Variants in SLIT3 observed in about 807,000 individuals in gnomAD.
SLIT3 encodes slit homolog 3 protein.
A neutral mutation model predicts 184.0 loss-of-function variants in SLIT3; 68 were observed. The ratio of observed to expected loss-of-function variants is 0.37; its 90% confidence interval spans 0.30 to 0.45. SLIT3 has a LOEUF of 0.45. Ranked by LOEUF, SLIT3 falls within the 20% of genes least tolerant of loss-of-function variation. SLIT3 has a pLI of 1.00. For missense variants in SLIT3, 1,707 were observed against 2,026.0 expected (o/e 0.84, Z 3.02); for synonymous variants, 831 against 828.6 (o/e 1.00, Z -0.05).
rs57404848 is a variant in SLIT3, at chr5:169,284,998, C to G, written c.197+15515G>C. On this transcript the variant is annotated intron_variant, in intron 1 of 35. Transcript: ENST00000519560. ...CAATCATGGCTCACTGCAGATTGAC[C>G]TCCTGGGCTCAAGTTATCCTTCCCA... 5.7e-3 allele frequency among the ~76,000 whole-genome samples: 875 copies of G among 152,200 alleles called. 12 individuals are homozygous for G. Among genetic ancestry groups the G allele is most frequent in the African/African-American group, 0.02 (815 of 41,512 alleles).
chr5:168,887,523 G>A (rs1581179071), intron 4 of SLIT3, among the ~76,000 whole-genome samples: 1 of 152,144 alleles, frequency 6.6e-6, no homozygotes, highest in South Asian at 2.1e-4. Flanking sequence ...AACCTCATCA[G>A]TTAGTTGTGA....
At chr5:168,724,339 T>C in intron 21 of SLIT3, 77 bp downstream of exon 21, 1 of 1,205,490 alleles carries the variant, frequency 8.3e-7, no homozygotes, top group Non-Finnish European at 1.2e-6. Context: ...CTCTGTTCTC[T>C]CTTACCATCC....
At chr5:168,930,611 T>C (rs1761958361) in intron 4 of SLIT3, among the ~76,000 whole-genome samples, 1 of 151,922 alleles carries the variant, frequency 6.6e-6, no homozygotes, top group Non-Finnish European at 1.5e-5. Context: ...GTCTGGCACA[T>C]AATAGGTACT....
chr5:169,003,336 G>T (rs961780139), intron 4 of SLIT3, among the ~76,000 whole-genome samples: 1 of 152,176 alleles, frequency 6.6e-6, no homozygotes, highest in Non-Finnish European at 1.5e-5. Flanking sequence ...TCTTCCCAAA[G>T]CTCATGTGGC....
chr5:169,251,771 C>A lies in SLIT3; in HGVS notation c.198-312G>T, dbSNP rs56826600. Among the ~76,000 whole-genome samples, 1,006 of 152,292 alleles carry A rather than the reference C, an allele frequency of 6.6e-3. 7 individuals carry two copies. The highest frequency in any genetic ancestry group is 0.02 in the African/African-American group (839 of 41,556). ...TCATGTCATACAAATGGGGCTGACC[C>A]CTCTTTCCAGCTCTAGGCACTGGCA... On this transcript the variant is annotated intron_variant, in intron 1 of 35. Coordinates refer to ENST00000519560, the MANE Select transcript of SLIT3 (RefSeq NM_003062.4).
intron 32 of SLIT3, among the ~76,000 whole-genome samples, chr5:168,678,544 G>A (rs191216837): frequency 1.8e-4 from 28 of 152,040 alleles, no homozygotes; most frequent in African/African-American, 6.0e-4. Flanking sequence ...TTAGCCGGGC[G>A]TGGTGGCGGG....
chr5:168,972,136 G>A (rs982682806), intron 4 of SLIT3, among the ~76,000 whole-genome samples: 1 of 152,160 alleles, frequency 6.6e-6, no homozygotes, highest in Admixed American at 6.5e-5. Context: ...GAGAAGACCT[G>A]GAGAGGCATC....
chr5:169,048,731 G>T (rs981839169), intron 4 of SLIT3, among the ~76,000 whole-genome samples: 1 of 152,148 alleles, frequency 6.6e-6, no homozygotes, highest in Non-Finnish European at 1.5e-5. Context: ...AATAACAGCC[G>T]TATTAAGTTG....
intron 4 of SLIT3, among the ~76,000 whole-genome samples, chr5:168,938,284 C>T (rs1440404264): frequency 6.6e-6 from 1 of 152,212 alleles, no homozygotes; most frequent in Admixed American, 6.5e-5. Flanking sequence ...AGGTGCTATT[C>T]TATGGATAGA....
chr5:169,094,308 A>G (rs1477415271), intron 4 of SLIT3, among the ~76,000 whole-genome samples: 1 of 152,254 alleles, frequency 6.6e-6, no homozygotes, highest in East Asian at 1.9e-4. Context: ...ACTTTGAGCC[A>G]GAATTCCAAC....
At chr5:169,073,275 AG>A (rs1343757651) in intron 4 of SLIT3, among the ~76,000 whole-genome samples, 2 of 152,172 alleles carry the variant, frequency 1.3e-5, no homozygotes, top group East Asian at 3.9e-4. Context: ...GACAATCCTT[AG>A]CCCCGCAGGA....
intron 3 of SLIT3, among the ~76,000 whole-genome samples, chr5:169,227,871 G>A (rs1002630736): frequency 6.6e-6 from 1 of 152,200 alleles, no homozygotes; most frequent in Non-Finnish European, 1.5e-5. Flanking sequence ...TCAGGCAGGG[G>A]GAGCCTGAGG....
intron 23 of SLIT3, chr5:168,720,994 C>A (rs1762925930): frequency 6.6e-6 from 1 of 152,190 alleles, no homozygotes; most frequent in South Asian, 2.1e-4. Flanking sequence ...TGGCCAGTTA[C>A]TTCACCAGTC....
In SLIT3 at chr5:169,251,435, G is replaced by C; in HGVS notation, c.222C>G (p.Thr74=). 1 of 1,613,440 alleles carries C rather than the reference G, an allele frequency of 6.2e-7. No homozygotes were observed. Among genetic ancestry groups the C allele is most frequent in the Non-Finnish European group, 8.5e-7 (1 of 1,179,422 alleles). ...CAGCGAAGTCCATCTTGGTGATCCT[G>C]GTGATATTATTTCTGTCCAGGTCAC... The part of the protein sequence containing the change: ...ERLDLDRNNI[T]RITKMDFAGL... Residue 74 remains threonine (T), a synonymous_variant, in exon 2 of 36, where the codon ACC becomes ACG. Coordinates refer to ENST00000519560, the MANE Select transcript of SLIT3 (RefSeq NM_003062.4).
intron 3 of SLIT3, among the ~76,000 whole-genome samples, chr5:169,219,670 C>T (rs1764559200): frequency 6.6e-6 from 1 of 152,232 alleles, no homozygotes; most frequent in African/African-American, 2.4e-5. Context: ...CAAGGGAGGG[C>T]TTCTCATCTT....
intron 20 of SLIT3, among the ~76,000 whole-genome samples, chr5:168,747,260 C>A (rs904499273): frequency 3.9e-5 from 6 of 152,192 alleles, no homozygotes; most frequent in East Asian, 1.9e-4. Context: ...TCCTAGCAAC[C>A]TTGTACCTCT....
At chr5:169,013,176 T>C (rs1305756320) in intron 4 of SLIT3, 2 of 152,260 alleles carry the variant, frequency 1.3e-5, no homozygotes, top group Non-Finnish European at 1.5e-5. Context: ...GCTTCAAAGT[T>C]GTCCCATCCT....
At chr5:169,042,821 A>C (rs1319067338) in intron 4 of SLIT3, among the ~76,000 whole-genome samples, 5 of 152,196 alleles carry the variant, frequency 3.3e-5, no homozygotes, top group Admixed American at 6.5e-5. Context: ...CCATTTTAAG[A>C]AATCCTGTTA....
chr5:168,690,388 G>C (rs11750308), intron 29 of SLIT3, among the ~76,000 whole-genome samples: 1 of 152,102 alleles, frequency 6.6e-6, no homozygotes, highest in East Asian at 1.9e-4. Context: ...GTGTAAGCCT[G>C]TGTCCTCTGA....
Sources: gnomAD v4.1 joint callset for allele counts (sites outside exome capture counted in the v4.1 genomes callset) on GRCh38, gnomAD v4.1.1 for gene constraint, MANE v1.5 for transcripts, NCBI Gene and HGNC (gene_info 2026-07-23, HGNC 2026-07-21) for gene names.